The following PRKN variants were observed in gnomAD, a reference collection of about 807,000 sequenced individuals.
The protein encoded by PRKN is E3 ubiquitin-protein ligase parkin.
In PRKN, 56 loss-of-function variants were observed where a neutral mutation model predicts 59.5. That is an observed-to-expected ratio of 0.94 (90% CI 0.76 to 1.18). The LOEUF (loss-of-function observed/expected upper bound fraction) is 1.18, where lower values mean the gene tolerates loss of function less well. PRKN is among the 50% of genes most tolerant of loss of function. PRKN has a pLI of 0.00. For missense variants in PRKN, 657 were observed against 596.4 expected (o/e 1.10, Z -1.06); for synonymous variants, 250 against 222.1 (o/e 1.13, Z -1.12).
At chr6:162,628,361 A>G (rs1375908970) in intron 1 of PRKN, among the ~76,000 whole-genome samples, 1 of 152,138 alleles carries the variant, frequency 6.6e-6, no homozygotes, top group Non-Finnish European at 1.5e-5. Context: ...AACCTCGGAG[A>G]TGAAGAAAGG....
At chr6:162,639,846 A>G (rs879687813) in intron 1 of PRKN, among the ~76,000 whole-genome samples, 11 of 152,176 alleles carry the variant, frequency 7.2e-5, no homozygotes, top group Non-Finnish European at 1.2e-4. Context: ...ACAGGCCTCG[A>G]GTTTGATCTG....
intron 1 of PRKN, among the ~76,000 whole-genome samples, chr6:162,467,833 G>A (rs550776958): frequency 3.9e-5 from 6 of 152,030 alleles, no homozygotes; most frequent in African/African-American, 1.4e-4. Flanking sequence ...GCCGCCCACC[G>A]AGCTCCCGCT....
chr6:161,664,793 CT>C (rs60215581), intron 7 of PRKN, among the ~76,000 whole-genome samples: 40 of 145,334 alleles, frequency 2.8e-4, no homozygotes, highest in Admixed American at 4.8e-4. Flanking sequence ...CTGACTTTTT[CT>C]TTTTTTTTTT....
At chr6:161,631,216 T>C (rs1783295889) in intron 7 of PRKN, among the ~76,000 whole-genome samples, 1 of 152,208 alleles carries the variant, frequency 6.6e-6, no homozygotes, top group Non-Finnish European at 1.5e-5. Flanking sequence ...GCCTTCAACA[T>C]TGTGGGATTC....
intron 1 of PRKN, among the ~76,000 whole-genome samples, chr6:162,655,280 C>T (rs1468855837): frequency 6.6e-6 from 1 of 152,142 alleles, no homozygotes; most frequent in Non-Finnish European, 1.5e-5. Context: ...TGGATTAACC[C>T]ATGAGTATTT....
chr6:161,834,955 C>G (rs1365525807), intron 6 of PRKN, among the ~76,000 whole-genome samples: 3 of 152,132 alleles, frequency 2.0e-5, no homozygotes, highest in Non-Finnish European at 4.4e-5. Context: ...CACCTCCACC[C>G]CACCCCACCC....
chr6:161,890,827 G>T (rs73785459), intron 6 of PRKN, among the ~76,000 whole-genome samples: 1 of 152,144 alleles, frequency 6.6e-6, no homozygotes, highest in Non-Finnish European at 1.5e-5. Context: ...TTATTTCACA[G>T]CAAACTCTGT....
chr6:162,457,948 C>T (rs1324818283), intron 1 of PRKN, among the ~76,000 whole-genome samples: 1 of 151,742 alleles, frequency 6.6e-6, no homozygotes, highest in Admixed American at 6.6e-5. Flanking sequence ...GACAAAACCC[C>T]GTCTCTAATA....
Position 161,526,200 on chromosome 6 carries a change from T to A in PRKN, c.1083+22654A>T, listed in dbSNP as rs1181244551. The stretch of plus-strand genomic sequence containing the variant: ...GCTGCCAACATGAAGTTGCTGAACA[T>A]GGAGCTGGAAAAAGATGTGCATAAC... On this transcript the variant is annotated intron_variant, in intron 9 of 11. Transcript: ENST00000366898. This position sits in a 1 kb window ranked among gnomAD's most constrained non-coding sequence, Gnocchi z 4.1. Among the ~76,000 whole-genome samples, 2 of 152,196 alleles carry A rather than the reference T, an allele frequency of 1.3e-5. No homozygotes were observed. Among genetic ancestry groups the A allele is most frequent in the African/African-American group, 4.8e-5 (2 of 41,448 alleles).
rs1321516754 is a variant in PRKN at position 161,680,766 on chromosome 6, TA to T, written c.871+105005del. The stretch of plus-strand genomic sequence containing the variant: ...ATATATATATATATATATATATATA[TA>T]TATATATATTTTTTTTTTTTTTTCT... On this transcript the variant is annotated intron_variant, in intron 7 of 11. Coordinates refer to ENST00000366898, the MANE Select transcript of PRKN (RefSeq NM_004562.3). Among the ~76,000 whole-genome samples the T allele has an allele frequency of 9.9e-3, 190 of 19,248 alleles. 14 individuals carry two copies. Among genetic ancestry groups the T allele is most frequent in the African/African-American group, 0.017 (114 of 6,598 alleles). The allele number at this position is 19,248 out of a possible 152,430, so 12.6% of individuals were successfully genotyped here.
At chr6:162,197,555 T>C (rs1297096206) in intron 4 of PRKN, among the ~76,000 whole-genome samples, 2 of 152,214 alleles carry the variant, frequency 1.3e-5, no homozygotes, top group African/African-American at 4.8e-5. Context: ...GAGGACTATA[T>C]CCTAGTAAAG....
At chr6:161,412,324 A>T (rs1310260575) in intron 9 of PRKN, among the ~76,000 whole-genome samples, 2 of 134,418 alleles carry the variant, frequency 1.5e-5, no homozygotes, top group African/African-American at 5.9e-5. Flanking sequence ...TCGTCCACTC[A>T]CTCATTCCTT....
Position 161,499,477 on chromosome 6 carries a change from G to A in PRKN, c.1083+49377C>T, listed in dbSNP as rs149792009. ...GTGTTTCCCACCCCTCATTTCTCTC[G>A]TTCATGTCACCTGTTGCTTCTTATT... On this transcript the variant is annotated intron_variant, in intron 9 of 11. Transcript: ENST00000366898. The surrounding 1 kb of genome is among the most constrained non-coding windows in gnomAD (Gnocchi z 4.2). Among the ~76,000 whole-genome samples, 128 of 152,140 alleles carry A rather than the reference G, an allele frequency of 8.4e-4. No homozygotes were observed. The highest frequency in any genetic ancestry group is 3.0e-3 in the African/African-American group (123 of 41,498).
chr6:162,415,694 G>C (rs78654585), intron 2 of PRKN, among the ~76,000 whole-genome samples: 34 of 152,190 alleles, frequency 2.2e-4, no homozygotes, highest in Admixed American at 6.5e-4. Context: ...ACACCCATCT[G>C]TAGTCCCAGC....
chr6:161,381,529 A>C (rs1394306007), intron 10 of PRKN, among the ~76,000 whole-genome samples: 1 of 152,232 alleles, frequency 6.6e-6, no homozygotes, highest in Non-Finnish European at 1.5e-5. Context: ...ATTTATCCCA[A>C]GCAAATGGTG....
At chr6:162,511,645 T>C (rs1004246691) in intron 1 of PRKN, among the ~76,000 whole-genome samples, 2 of 152,124 alleles carry the variant, frequency 1.3e-5, no homozygotes, top group African/African-American at 4.8e-5. Context: ...GAGATCATAC[T>C]AATAAAGCCC....
At chr6:162,028,782 C>T (rs79006804) in intron 5 of PRKN, among the ~76,000 whole-genome samples, 4,740 of 152,218 alleles carry the variant, frequency 0.031, 109 homozygotes, top group African/African-American at 0.068. Flanking sequence ...ATGGGGGACC[C>T]GTAGCAAAGC....
chr6:162,106,870 A>G (rs1053466631), intron 4 of PRKN, among the ~76,000 whole-genome samples: 1 of 152,200 alleles, frequency 6.6e-6, no homozygotes, highest in African/African-American at 2.4e-5. Context: ...AGAAGGGCAA[A>G]AAGGCAATGT....
At chr6:161,996,435 C>A (rs56860386) in intron 5 of PRKN, among the ~76,000 whole-genome samples, 1 of 152,094 alleles carries the variant, frequency 6.6e-6, no homozygotes, top group Non-Finnish European at 1.5e-5. Context: ...TTAAACCCCG[C>A]TTATTTTCTT....
Sources: gnomAD v4.1 joint callset for allele counts (sites outside exome capture counted in the v4.1 genomes callset) on GRCh38, gnomAD v4.1.1 for gene constraint, Gnocchi (gnomAD v3.1) non-coding constraint, MANE v1.5 for transcripts, NCBI Gene and HGNC (gene_info 2026-07-23, HGNC 2026-07-21) for gene names.